NRXN3: variants seen among roughly 807,000 people sequenced by gnomAD.
The protein encoded by NRXN3 is neurexin 3, also known as neurexin III.
In NRXN3, 32 loss-of-function variants were observed where a neutral mutation model predicts 137.6. That is an observed-to-expected ratio of 0.23 (90% CI 0.18 to 0.31). The LOEUF is 0.31. NRXN3 is among the 10% of genes least tolerant of loss of function. The pLI is 1.00. For synonymous variants in NRXN3, 798 were observed against 784.5 expected (o/e 1.02, Z -0.29); for missense variants, 1,574 against 2,062.5 (o/e 0.76, Z 4.59).
chr14:78,493,828 C>A (rs1383534790), intron 4 of NRXN3, among the ~76,000 whole-genome samples: 1 of 152,126 alleles, frequency 6.6e-6, no homozygotes, highest in Non-Finnish European at 1.5e-5. Flanking sequence ...ACACCTACAC[C>A]AAACCAGGCT....
chr14:79,116,008 C>T (rs956212362), intron 15 of NRXN3, among the ~76,000 whole-genome samples: 8 of 152,110 alleles, frequency 5.3e-5, no homozygotes, highest in South Asian at 2.1e-4. Context: ...GAGGGATACA[C>T]GCAAGGTCAC....
intron 19 of NRXN3, among the ~76,000 whole-genome samples, chr14:79,771,159 G>C (rs2099076764): frequency 6.6e-6 from 1 of 152,166 alleles, no homozygotes; most frequent in East Asian, 1.9e-4. Flanking sequence ...AAAGAGTCCA[G>C]GACCAGATGG....
intron 4 of NRXN3, among the ~76,000 whole-genome samples, chr14:78,521,493 G>T (rs1162514505): frequency 6.6e-6 from 1 of 152,162 alleles, no homozygotes; most frequent in Non-Finnish European, 1.5e-5. Context: ...CTATGCAGAA[G>T]TGCTCTGCCT....
At position 78,358,917 on chromosome 14, in the gene NRXN3, A is replaced by G. The variant is rs151050115; in HGVS notation, c.757+61057A>G. Among the ~76,000 whole-genome samples, 10 of 152,286 alleles carry G rather than the reference A, an allele frequency of 6.6e-5. No homozygotes were observed. The East Asian group carries it at 1.9e-3, about 29-fold the overall frequency. On this transcript the variant is annotated intron_variant, in intron 4 of 20. Coordinates refer to ENST00000335750, the MANE Select transcript of NRXN3 (RefSeq NM_001330195.2). Reference sequence around the variant, plus strand: ...AAATTCAGGAAGGGGCCTCGCAGGAATTTAGCATGGTCTCCATTGCTCAAG... The same window carrying G: ...AAATTCAGGAAGGGGCCTCGCAGGAGTTTAGCATGGTCTCCATTGCTCAAG...
intron 10 of NRXN3, among the ~76,000 whole-genome samples, chr14:78,839,252 G>A (rs562866788): frequency 6.6e-6 from 1 of 152,282 alleles, no homozygotes; most frequent in South Asian, 2.1e-4. Context: ...ATGATGGCTA[G>A]GAGTTACTAG....
intron 15 of NRXN3, among the ~76,000 whole-genome samples, chr14:79,208,824 G>A (rs1198382419): frequency 2.0e-5 from 3 of 152,182 alleles, no homozygotes; most frequent in African/African-American, 4.8e-5. Context: ...AGAATTGCCA[G>A]TGTAAGAGTA....
chr14:79,822,698 T>C (rs1394310528), intron 20 of NRXN3, among the ~76,000 whole-genome samples: 1 of 152,150 alleles, frequency 6.6e-6, no homozygotes, highest in Non-Finnish European at 1.5e-5. Flanking sequence ...ATCTATTTTA[T>C]TGAGGTCCCA....
intron 9 of NRXN3, among the ~76,000 whole-genome samples, chr14:78,809,327 A>T (rs2098896414): frequency 4.2e-5 from 1 of 23,648 alleles, no homozygotes; most frequent in South Asian, 0.01. Context: ...GTGGAATCAC[A>T]GAGTGAAAAA....
intron 16 of NRXN3, among the ~76,000 whole-genome samples, chr14:79,469,800 C>G (rs1567210683): frequency 6.6e-6 from 1 of 152,220 alleles, no homozygotes; most frequent in East Asian, 1.9e-4. Context: ...GCACCAGGCC[C>G]CTTCATGGGT....
chr14:78,506,643 GTTTTTTTTTTTTTTTTT>G (rs71131653), intron 4 of NRXN3, among the ~76,000 whole-genome samples: 83 of 105,404 alleles, frequency 7.9e-4, no homozygotes, highest in South Asian at 5.8e-3. Flanking sequence ...TCTCATTGTA[GTTTTTTTTTTTTTTTTT>G]TTTTTTTTTT....
chr14:78,388,435 A>T (rs2090295936), intron 4 of NRXN3, among the ~76,000 whole-genome samples: 1 of 152,256 alleles, frequency 6.6e-6, no homozygotes, highest in Non-Finnish European at 1.5e-5. Flanking sequence ...TTAAGAAATT[A>T]GTAAATAAAA....
At chr14:79,001,640 C>T (rs1391751028) in intron 15 of NRXN3, among the ~76,000 whole-genome samples, 3 of 152,196 alleles carry the variant, frequency 2.0e-5, no homozygotes, top group Non-Finnish European at 4.4e-5. Context: ...TCAGTTAAAT[C>T]CATACTCATG....
chr14:78,610,058 A>T (rs901161915), intron 4 of NRXN3, among the ~76,000 whole-genome samples: 2 of 151,950 alleles, frequency 1.3e-5, no homozygotes, highest in African/African-American at 2.4e-5. Context: ...GAGAGAGGAG[A>T]GAGAGAAAGA....
intron 4 of NRXN3, among the ~76,000 whole-genome samples, chr14:78,603,199 T>C (rs1354618568): frequency 6.6e-6 from 1 of 152,176 alleles, no homozygotes; most frequent in Non-Finnish European, 1.5e-5. Flanking sequence ...GTCTTCTGCA[T>C]TGCCCACCTG....
At chr14:78,540,944 C>T (rs1409788560) in intron 4 of NRXN3, among the ~76,000 whole-genome samples, 1 of 152,130 alleles carries the variant, frequency 6.6e-6, no homozygotes, top group Non-Finnish European at 1.5e-5. Flanking sequence ...TGAATATTGG[C>T]CTCCACTCTC....
intron 15 of NRXN3, among the ~76,000 whole-genome samples, chr14:79,094,994 G>GTGTGTGTGTGTT (rs2050015727): frequency 2.0e-5 from 3 of 151,844 alleles, no homozygotes; most frequent in African/African-American, 7.3e-5. Flanking sequence ...GTGTGTGTGT[G>GTGTGTGTGTGTT]TGTGTGTGTG....
At chr14:79,098,628 T>C (rs2050748952) in intron 15 of NRXN3, among the ~76,000 whole-genome samples, 1 of 152,162 alleles carries the variant, frequency 6.6e-6, no homozygotes, top group African/African-American at 2.4e-5. Context: ...GAGTGTCTGA[T>C]ACTTACACTC....
At chr14:78,517,549 T>G (rs955142567) in intron 4 of NRXN3, among the ~76,000 whole-genome samples, 4 of 152,152 alleles carry the variant, frequency 2.6e-5, no homozygotes, top group African/African-American at 9.7e-5. Flanking sequence ...TCAGTTCACA[T>G]TTTGCTCACC....
intron 4 of NRXN3, among the ~76,000 whole-genome samples, chr14:78,630,666 G>A (rs2097512695): frequency 6.7e-6 from 1 of 149,748 alleles, no homozygotes; most frequent in Non-Finnish European, 1.5e-5. Context: ...GTGCAGTGGC[G>A]CGATCTTGGC....
Sources: gnomAD v4.1 joint callset for allele counts (sites outside exome capture counted in the v4.1 genomes callset) on GRCh38, gnomAD v4.1.1 for gene constraint, MANE v1.5 for transcripts, NCBI Gene and HGNC (gene_info 2026-07-23, HGNC 2026-07-21) for gene names.